INSC: variants seen among roughly 807,000 people sequenced by gnomAD.
The protein encoded by INSC is protein inscuteable homolog.
A neutral mutation model predicts 58.6 loss-of-function variants in INSC; 67 were observed. The observed-to-expected ratio is 1.14, with a 90% CI of 0.94 to 1.40. INSC has a LOEUF of 1.40. Among genes scored for constraint, INSC ranks in the 40% most tolerant of loss-of-function variants. The pLI is 0.00. For synonymous variants in INSC, 262 were observed against 276.1 expected (o/e 0.95, Z 0.51); for missense variants, 714 against 692.0 (o/e 1.03, Z -0.36).
At chr11:15,268,862 A>G in the INSC span, among the ~76,000 whole-genome samples, 56 of 152,112 alleles carry the variant, frequency 3.7e-4, no homozygotes, top group African/African-American at 1.1e-3. Context: ...CTATATGGAT[A>G]CTATAGCAGT....
At chr11:15,225,966 T>A (rs1022331772) in intron 9 of INSC, 138 bp downstream of exon 9, 1 of 773,714 alleles carries the variant, frequency 1.3e-6, no homozygotes, top group Admixed American at 2.9e-5. Flanking sequence ...GGGCAAATAT[T>A]CTCCACGTTT....
At chr11:15,268,865 A>G in the INSC span, among the ~76,000 whole-genome samples, 3 of 152,126 alleles carry the variant, frequency 2.0e-5, no homozygotes, top group African/African-American at 4.8e-5. Context: ...TATGGATACT[A>G]TAGCAGTTTT....
intron 9 of INSC, among the ~76,000 whole-genome samples, chr11:15,233,735 CTCCT>C (rs1436678159): frequency 2.0e-5 from 3 of 151,886 alleles, no homozygotes; most frequent in East Asian, 3.9e-4. Context: ...CCCTCCTTCC[CTCCT>C]TCCTTCCTTC....
chr11:15,232,046 G>T (rs546648806), intron 9 of INSC, among the ~76,000 whole-genome samples: 2 of 152,294 alleles, frequency 1.3e-5, no homozygotes, highest in African/African-American at 2.4e-5. Flanking sequence ...GACATGGGAG[G>T]TCCCCTGCTA....
chr11:15,178,844 C>A (rs986522042), intron 5 of INSC, among the ~76,000 whole-genome samples: 15 of 152,220 alleles, frequency 9.9e-5, no homozygotes, highest in African/African-American at 3.4e-4. Context: ...GGGTAGAACA[C>A]TGTCAGGCCA....
chr11:15,209,719 T>C (rs1001666719), intron 7 of INSC, among the ~76,000 whole-genome samples: 2 of 152,170 alleles, frequency 1.3e-5, no homozygotes, highest in Admixed American at 6.5e-5. Flanking sequence ...TCTGGTTCGT[T>C]CTTCCTCATT....
chr11:15,228,578 G>GT (rs1359202285), intron 9 of INSC, among the ~76,000 whole-genome samples: 1 of 152,136 alleles, frequency 6.6e-6, no homozygotes, highest in African/African-American at 2.4e-5. Context: ...GTGATCAGAG[G>GT]GCTCTCTGTA....
chr11:15,112,117 G>A (rs1352452342), upstream of INSC, among the ~76,000 whole-genome samples: 2 of 152,208 alleles, frequency 1.3e-5, no homozygotes, highest in African/African-American at 2.4e-5. Flanking sequence ...GTGTTTAGGT[G>A]TGTTTATATA....
At chr11:15,210,089 C>T (rs749429265) in intron 7 of INSC, among the ~76,000 whole-genome samples, 1 of 152,148 alleles carries the variant, frequency 6.6e-6, no homozygotes, top group Non-Finnish European at 1.5e-5. Flanking sequence ...TGCAAGTCAG[C>T]CTGAGATAAG....
intron 7 of INSC, among the ~76,000 whole-genome samples, chr11:15,203,028 C>A (rs574975234): frequency 1.3e-5 from 2 of 152,328 alleles, no homozygotes; most frequent in East Asian, 3.9e-4. Flanking sequence ...TACATATGTC[C>A]TTTCATTAAT....
chr11:15,150,736 G>T (rs1179858666), intron 2 of INSC, among the ~76,000 whole-genome samples: 1 of 152,126 alleles, frequency 6.6e-6, no homozygotes, highest in Non-Finnish European at 1.5e-5. Flanking sequence ...AGGGTGTGGT[G>T]GTTCTCAGCT....
chr11:15,170,320 T>C (rs554902225), intron 2 of INSC, among the ~76,000 whole-genome samples: 1 of 152,292 alleles, frequency 6.6e-6, no homozygotes, highest in Admixed American at 6.5e-5. Flanking sequence ...ACCCAGGATA[T>C]CATATTACAC....
chr11:15,149,064 G>A (rs1848565732), intron 1 of INSC, 66 bp from the exon 2 acceptor site: 1 of 1,475,476 alleles, frequency 6.8e-7, no homozygotes, highest in South Asian at 1.4e-5. Flanking sequence ...GCCTGGGACT[G>A]GGAGAGAAAG....
At chr11:15,244,070 G>A (rs536692443) in intron 12 of INSC, among the ~76,000 whole-genome samples, 16 of 150,978 alleles carry the variant, frequency 1.1e-4, no homozygotes, top group African/African-American at 1.2e-4. Flanking sequence ...GTTCTATTTC[G>A]CTCTGTCTCC....
chr11:15,112,323 C>T (rs1029945816), upstream of INSC: 3 of 586,226 alleles, frequency 5.1e-6, no homozygotes, highest in Non-Finnish European at 8.8e-6. Flanking sequence ...CTTGGGCAGC[C>T]TCAGTACTGA....
chr11:15,233,699 T>TCCTTCCTC (rs1852011584), intron 9 of INSC, among the ~76,000 whole-genome samples: 1 of 151,644 alleles, frequency 6.6e-6, no homozygotes, highest in African/African-American at 2.4e-5. Context: ...AGTTTGTCCT[T>TCCTTCCTC]CCTTCCTTCC....
chr11:15,148,257 T>G (rs2133744524), intron 1 of INSC, among the ~76,000 whole-genome samples: 1 of 152,294 alleles, frequency 6.6e-6, no homozygotes, highest in South Asian at 2.1e-4. Context: ...GACAAGAGCT[T>G]TTATTTTCTT....
chr11:15,134,436 G>C (rs1848194905), intron 1 of INSC, among the ~76,000 whole-genome samples: 1 of 152,172 alleles, frequency 6.6e-6, no homozygotes, highest in Non-Finnish European at 1.5e-5. Context: ...GGCAGTGGTT[G>C]AGAAACAGAA....
chr11:15,222,566 G>A (rs546154724), intron 8 of INSC, among the ~76,000 whole-genome samples: 1 of 152,236 alleles, frequency 6.6e-6, no homozygotes, highest in Non-Finnish European at 1.5e-5. Context: ...GCAAGCCTGC[G>A]CCGGTACTGT....
Sources: gnomAD v4.1 joint callset for allele counts (sites outside exome capture counted in the v4.1 genomes callset) on GRCh38, gnomAD v4.1.1 for gene constraint, MANE v1.5 for transcripts, NCBI Gene and HGNC (gene_info 2026-07-23, HGNC 2026-07-21) for gene names.